The following ABCA12 variants were observed in gnomAD, a reference collection of about 807,000 sequenced individuals.
ABCA12 encodes ATP binding cassette subfamily A member 12.
ABCA12 carries 156 observed loss-of-function variants against 293.5 expected under a neutral mutation model. The ratio of observed to expected loss-of-function variants is 0.53; its 90% CI spans 0.47 to 0.61. The LOEUF is 0.61. ABCA12 is among the 20% of genes least tolerant of loss of function. ABCA12 has a pLI of 0.00. For synonymous variants in ABCA12, 1,063 were observed against 1,108.0 expected, an observed-to-expected ratio of 0.96 and a Z score of 0.81; for missense variants, 2,797 against 3,090.2, an observed-to-expected ratio of 0.91 and a Z score of 2.25.
At chr2:215,117,801 G>C (rs532270906) in intron 1 of ABCA12, among the ~76,000 whole-genome samples, 1 of 152,298 alleles carries the variant, frequency 6.6e-6, no homozygotes, top group South Asian at 2.1e-4. Flanking sequence ...ACTGTTTGGA[G>C]ACTCTGTGAA....
intron 49 of ABCA12, among the ~76,000 whole-genome samples, chr2:214,944,037 A>C (rs1183736933): frequency 4.6e-5 from 7 of 152,180 alleles, no homozygotes; most frequent in Non-Finnish European, 1.0e-4. Context: ...AGCTGATTGG[A>C]AGTGTCTGCT....
intron 5 of ABCA12, 150 bp from the exon 6 acceptor site, chr2:215,049,961 A>G: frequency 1.4e-6 from 1 of 694,900 alleles, no homozygotes; most frequent in East Asian, 2.7e-5. Flanking sequence ...TAAAGTAGAT[A>G]GAGTTTACCC....
intron 8 of ABCA12, among the ~76,000 whole-genome samples, chr2:215,035,570 G>A (rs1416703761): frequency 6.6e-6 from 1 of 151,216 alleles, no homozygotes; most frequent in Non-Finnish European, 1.5e-5. Context: ...GGAGGCTGAG[G>A]CAGAGAATTG....
At chr2:215,070,436 T>G (rs780531784) in intron 2 of ABCA12, among the ~76,000 whole-genome samples, 1 of 151,980 alleles carries the variant, frequency 6.6e-6, no homozygotes, top group Non-Finnish European at 1.5e-5. Flanking sequence ...TGTGCACAGT[T>G]AGTTACATAT....
intron 1 of ABCA12, among the ~76,000 whole-genome samples, chr2:215,137,535 G>A (rs1237808730): frequency 1.3e-5 from 2 of 152,194 alleles, no homozygotes; most frequent in African/African-American, 2.4e-5. Context: ...CAATGAGCAA[G>A]AGAAGATAGA....
intron 2 of ABCA12, chr2:215,075,617 C>T: frequency 5.8e-6 from 4 of 684,018 alleles, no homozygotes; most frequent in Non-Finnish European, 1.1e-5. Context: ...AGAAGAATCC[C>T]CTGTAAAAGG....
At chr2:215,135,810 CCTTTTT>C (rs1344774840) in intron 1 of ABCA12, among the ~76,000 whole-genome samples, 1 of 152,118 alleles carries the variant, frequency 6.6e-6, no homozygotes, top group Admixed American at 6.5e-5. Flanking sequence ...TTCCTCTCTT[CCTTTTT>C]AAGTGTAATG....
rs1488521068 is a variant in ABCA12, at chr2:214,974,038, A to C, written c.5473T>G (p.Cys1825Gly). The C allele has an allele frequency of 1.9e-6, 3 of 1,613,724 alleles. No homozygotes were observed. Among genetic ancestry groups the C allele is most frequent in the Non-Finnish European group, 2.5e-6 (3 of 1,179,702 alleles). ...TTTTCCAGACTGTCTTTGTTTAAAC[A>C]CTGTCTGCAAGTTAAAATGATATTG... ...NMCLNTSDLQ[C>G]LNKDSLEKWN... is the part of the protein sequence containing the mutation. Residue 1825 changes from cysteine (C) to glycine (G), a missense_variant, in exon 36 of 53, where the codon TGT (cysteine) becomes GGT (glycine). Coordinates refer to ENST00000272895, the MANE Select transcript of ABCA12 (RefSeq NM_173076.3).
intron 2 of ABCA12, among the ~76,000 whole-genome samples, chr2:215,086,574 C>G (rs1271053149): frequency 6.6e-6 from 1 of 152,150 alleles, no homozygotes; most frequent in African/African-American, 2.4e-5. Context: ...ATCAGCAAAC[C>G]CAGGCTCCTA....
chr2:215,051,609 A>AGT (rs3050094), intron 5 of ABCA12, among the ~76,000 whole-genome samples: 9,969 of 121,262 alleles, frequency 0.082, 569 homozygotes, highest in East Asian at 0.32. Context: ...TAAAAACGCT[A>AGT]GTGTGTGTGT....
intron 11 of ABCA12, among the ~76,000 whole-genome samples, chr2:215,021,082 G>A (rs1271546600): frequency 1.3e-5 from 2 of 152,186 alleles, no homozygotes; most frequent in Non-Finnish European, 2.9e-5. Flanking sequence ...CTCTTGGGCT[G>A]AAGCCATCTG....
rs771847743 is a variant in ABCA12, at chr2:215,011,594, G to C, written c.2177C>G (p.Ser726Cys). The C allele has an allele frequency of 5.0e-6, 8 of 1,614,062 alleles. No individual in the cohort carries two copies. Among genetic ancestry groups the C allele is most frequent in the Non-Finnish European group, 6.8e-6 (8 of 1,179,944 alleles). Residue 726 changes from serine (S) to cysteine (C), a missense_variant, in exon 17 of 53, where the codon TCC (serine) becomes TGC (cysteine). Physicochemically the swap from Ser to Cys is moderately radical, Grantham distance 112. Transcript: ENST00000272895. ...NTPQGSFSTI[S>C]QALCSQGITT... is the part of the protein sequence containing the mutation. ...AATTCCTTGAGAACATAATGCTTGG[G>C]AGATGGTGCTAAATGATCCTTGTGG...
chr2:215,125,038 A>G (rs968166725), intron 1 of ABCA12, among the ~76,000 whole-genome samples: 4 of 152,152 alleles, frequency 2.6e-5, no homozygotes, highest in Admixed American at 2.6e-4. Flanking sequence ...CAATTATCCC[A>G]GCACCATTTG....
Position 215,114,186 on chromosome 2 carries a change from G to A in ABCA12, c.70-2496C>T, listed in dbSNP as rs557111011. ...GACGGGGTCTCACCATGTAGGCCAG[G>A]ATGGTCTTGATCTCTTGACCTCATA... On this transcript the variant is annotated intron_variant, in intron 1 of 52. Transcript: ENST00000272895. 4.6e-5 allele frequency among the ~76,000 whole-genome samples: 7 copies of A among 152,258 alleles called. No individual in the cohort carries two copies. In the South Asian group the frequency reaches 1.5e-3, roughly 32 times the overall value.
intron 44 of ABCA12, 101 bp downstream of exon 44, chr2:214,953,753 C>T: frequency 7.6e-6 from 11 of 1,442,942 alleles, no homozygotes; most frequent in Non-Finnish European, 1.0e-5. Flanking sequence ...CCAAACATTT[C>T]CATATTACCA....
At chr2:215,099,792 A>G (rs1258054901) in intron 2 of ABCA12, among the ~76,000 whole-genome samples, 2 of 152,168 alleles carry the variant, frequency 1.3e-5, no homozygotes, top group Non-Finnish European at 2.9e-5. Context: ...TTATAGAGCA[A>G]CAGATAACTA....
chr2:215,054,052 G>A lies in ABCA12; in HGVS notation c.409+521C>T, dbSNP rs546087666. Among the ~76,000 whole-genome samples, 6 of 152,138 alleles carry A rather than the reference G, an allele frequency of 3.9e-5. No homozygotes were observed. In the South Asian group the frequency reaches 6.2e-4, roughly 16 times the overall value. On this transcript the variant is annotated intron_variant, in intron 4 of 52. Coordinates refer to ENST00000272895, the MANE Select transcript of ABCA12 (RefSeq NM_173076.3). ...TGTGAAGCAAGTCCACAGTCACACT[G>A]AAGACTGTGATACTAAGCCTTAAGT...
intron 18 of ABCA12, among the ~76,000 whole-genome samples, chr2:215,010,024 C>T: frequency 6.6e-6 from 1 of 152,148 alleles, no homozygotes; most frequent in East Asian, 1.9e-4. Flanking sequence ...GAAAGTTAGA[C>T]ACCAGTTGCA....
intron 2 of ABCA12, among the ~76,000 whole-genome samples, chr2:215,067,440 T>C (rs1441819778): frequency 6.6e-6 from 1 of 151,870 alleles, no homozygotes; most frequent in African/African-American, 2.4e-5. Flanking sequence ...CAAGTAAAAA[T>C]AAAAATAAAA....
Sources: gnomAD v4.1 joint callset for allele counts (sites outside exome capture counted in the v4.1 genomes callset) on GRCh38, gnomAD v4.1.1 for gene constraint, MANE v1.5 for transcripts, NCBI Gene and HGNC (gene_info 2026-07-23, HGNC 2026-07-21) for gene names.